Variants in PHF21A observed in about 807,000 individuals in gnomAD.
PHF21A encodes the protein PHD finger protein 21A, also known as BHC80a.
Under a neutral mutation model 82.5 loss-of-function variants are expected in PHF21A, and 11 were observed. The observed-to-expected ratio is 0.13, with a 90% CI of 0.08 to 0.22. The LOEUF (loss-of-function observed/expected upper bound fraction) is 0.22. Ranked by LOEUF, PHF21A falls within the 10% of genes least tolerant of loss-of-function variation. The pLI is 1.00. For synonymous variants in PHF21A, 297 were observed against 302.8 expected, an observed-to-expected ratio of 0.98 and a Z score of 0.20; for missense variants, 579 against 837.8, an observed-to-expected ratio of 0.69 and a Z score of 3.81.
chr11:46,036,143 C>T (rs1467824311), intron 6 of PHF21A, among the ~76,000 whole-genome samples: 1 of 152,106 alleles, frequency 6.6e-6, no homozygotes. Context: ...GACTGAATTT[C>T]GGAGATGAGT....
intron 6 of PHF21A, among the ~76,000 whole-genome samples, chr11:46,069,880 C>T (rs2134673491): frequency 6.6e-6 from 1 of 152,192 alleles, no homozygotes; most frequent in East Asian, 1.9e-4. Flanking sequence ...AAGTTAACCA[C>T]CATGACTACA....
chr11:45,956,237 A>T (rs1395109247), intron 10 of PHF21A, among the ~76,000 whole-genome samples: 1 of 152,032 alleles, frequency 6.6e-6, no homozygotes, highest in African/African-American at 2.4e-5. Flanking sequence ...AGAAACAAGA[A>T]CTCCAATAAA....
chr11:46,032,516 T>C (rs1350624210), intron 6 of PHF21A, among the ~76,000 whole-genome samples: 2 of 152,190 alleles, frequency 1.3e-5, no homozygotes, highest in Non-Finnish European at 2.9e-5. Flanking sequence ...AAAAAAACTG[T>C]AATGAACATC....
chr11:46,048,835 A>G (rs988484324), intron 6 of PHF21A, among the ~76,000 whole-genome samples: 2 of 152,182 alleles, frequency 1.3e-5, no homozygotes, highest in Non-Finnish European at 2.9e-5. Context: ...TATACCTGGA[A>G]ATACATATAC....
intron 6 of PHF21A, among the ~76,000 whole-genome samples, chr11:46,028,644 G>A (rs2095802342): frequency 6.7e-6 from 1 of 149,578 alleles, no homozygotes; most frequent in South Asian, 2.1e-4. Flanking sequence ...CATGATCTCG[G>A]CTCACTGCAA....
chr11:46,061,829 G>A (rs761596730), intron 6 of PHF21A, among the ~76,000 whole-genome samples: 13 of 152,010 alleles, frequency 8.6e-5, no homozygotes, highest in Non-Finnish European at 1.2e-4. Context: ...TCACTTTCTC[G>A]TTTGATGGAG....
At chr11:45,951,909 C>T (rs889364542) in intron 11 of PHF21A, among the ~76,000 whole-genome samples, 4 of 150,732 alleles carry the variant, frequency 2.7e-5, no homozygotes, top group African/African-American at 9.8e-5. Flanking sequence ...TGGGTTCAAG[C>T]TATTCTCCAG....
intron 6 of PHF21A, among the ~76,000 whole-genome samples, chr11:46,067,876 G>A (rs995590512): frequency 3.9e-5 from 6 of 152,154 alleles, no homozygotes; most frequent in African/African-American, 1.4e-4. Context: ...GTAGGCACAA[G>A]TACCAAGTAC....
At chr11:45,945,228 T>A (rs1407456037) in intron 15 of PHF21A, among the ~76,000 whole-genome samples, 2 of 152,232 alleles carry the variant, frequency 1.3e-5, no homozygotes, top group African/African-American at 4.8e-5. Context: ...TCAGTGAGTA[T>A]CTGCTGAGTG....
intron 6 of PHF21A, among the ~76,000 whole-genome samples, chr11:46,034,227 C>CT (rs934732689): frequency 1.3e-5 from 2 of 151,748 alleles, no homozygotes; most frequent in East Asian, 1.9e-4. Flanking sequence ...CCCCACCCCC[C>CT]CCTTGCATAC....
intron 6 of PHF21A, among the ~76,000 whole-genome samples, chr11:46,005,831 A>G (rs943433663): frequency 6.6e-6 from 1 of 152,360 alleles, no homozygotes; most frequent in African/African-American, 2.4e-5. Flanking sequence ...GATCATAAAG[A>G]AAAAAGAAAC....
chr11:46,084,074 T>A, intron 4 of PHF21A, 92 bp downstream of exon 4: 1 of 946,140 alleles, frequency 1.1e-6, no homozygotes, highest in Admixed American at 2.8e-5. Context: ...TAAAGATTAT[T>A]AAAAACTATA....
In PHF21A at chr11:45,938,212, G is replaced by T. The variant is rs1450147127; in HGVS notation, c.1553C>A (p.Pro518His). The T allele has an allele frequency of 1.2e-6, 2 of 1,606,868 alleles. No individual in the cohort carries two copies. The highest frequency in any genetic ancestry group is 1.7e-5 in the Admixed American group (1 of 58,780). Residue 518 changes from proline to histidine, a missense_variant, in exon 16 of 19, where the codon CCC (proline) becomes CAC (histidine). Physicochemically the swap from Pro to His is moderately conservative, Grantham distance 77. Transcript: ENST00000676320. ...SRVYHLDCLD[P>H]PLKTIPKGMW... is the part of the protein sequence containing the mutation. ...GCCCTTGGGAATTGTTTTCAGAGGG[G>T]GGTCTAAGCAGTCCAAATGATATAC...
intron 1 of PHF21A, among the ~76,000 whole-genome samples, chr11:46,102,135 C>T (rs566356474): frequency 1.1e-3 from 160 of 152,204 alleles, no homozygotes; most frequent in African/African-American, 3.0e-3. Flanking sequence ...GGATTACAGG[C>T]GCGAGCCACC....
At chr11:45,958,964 C>T (rs950985500) in intron 10 of PHF21A, among the ~76,000 whole-genome samples, 2 of 152,080 alleles carry the variant, frequency 1.3e-5, no homozygotes, top group African/African-American at 4.8e-5. Flanking sequence ...ACCAATATCC[C>T]TTATGAATAT....
chr11:45,960,137 G>A (rs2092983370), intron 10 of PHF21A, among the ~76,000 whole-genome samples: 1 of 152,152 alleles, frequency 6.6e-6, no homozygotes, highest in Admixed American at 6.5e-5. Flanking sequence ...TCAAATAGTT[G>A]AGCAGAATTA....
chr11:45,968,573 G>C (rs2093582326), intron 9 of PHF21A, among the ~76,000 whole-genome samples: 2 of 152,164 alleles, frequency 1.3e-5, no homozygotes, highest in Non-Finnish European at 2.9e-5. Flanking sequence ...TAGGATTTTA[G>C]GTCAGACTGA....
intron 10 of PHF21A, among the ~76,000 whole-genome samples, chr11:45,963,061 C>A (rs565212053): frequency 1.0e-3 from 155 of 152,050 alleles, no homozygotes; most frequent in African/African-American, 2.3e-3. Context: ...AGGGAAAAAA[C>A]CAAATTACAA....
intron 6 of PHF21A, among the ~76,000 whole-genome samples, chr11:46,030,439 A>G (rs2095841563): frequency 6.6e-6 from 1 of 152,192 alleles, no homozygotes; most frequent in African/African-American, 2.4e-5. Context: ...TATTCTTTGA[A>G]CCAATGGGGG....
Sources: allele counts gnomAD v4.1 joint callset (sites outside exome capture counted in the v4.1 genomes callset), GRCh38; gene constraint gnomAD v4.1.1; transcripts MANE v1.5; gene names NCBI Gene and HGNC (gene_info 2026-07-23, HGNC 2026-07-21).